ACTL6A: variants seen among roughly 807,000 people sequenced by gnomAD.
The protein encoded by ACTL6A is actin-like protein 6A.
ACTL6A carries 5 observed loss-of-function variants against 59.2 expected under a neutral mutation model. The observed-to-expected ratio is 0.08, with a 90% confidence interval of 0.04 to 0.18. The LOEUF is 0.18. Ranked by LOEUF, ACTL6A falls within the 10% of genes least tolerant of loss-of-function variation. The pLI is 1.00. For synonymous variants in ACTL6A, 154 were observed against 171.8 expected (o/e 0.90, Z 0.81); for missense variants, 285 against 526.9 (o/e 0.54, Z 4.49).
In ACTL6A at chr3:179,576,946, T is replaced by C. The variant is rs370130128; in HGVS notation, c.768+33T>C. Reference sequence around the variant, plus strand: ...ACCCTCATTCTCTTTACAAAAATGTTACAGGCTTTTTGCATGAGTATTAAA... The same window carrying C: ...ACCCTCATTCTCTTTACAAAAATGTCACAGGCTTTTTGCATGAGTATTAAA... On this transcript the variant is annotated intron_variant, in intron 8 of 13. Transcript: ENST00000429709. 1.9e-5 allele frequency: 30 copies of C among 1,569,912 alleles called. 1 individual carries two copies. In the African/African-American group the frequency reaches 4.1e-4, roughly 21 times the overall value.
At chr3:179,580,071 C>T (rs1718287772) in intron 8 of ACTL6A, among the ~76,000 whole-genome samples, 4 of 152,190 alleles carry the variant, frequency 2.6e-5, no homozygotes, top group Admixed American at 1.3e-4. Flanking sequence ...CTGCATCCAG[C>T]TCTGACAGTT....
At chr3:179,576,373 G>C in intron 6 of ACTL6A, 62 bp downstream of exon 6, 6 of 1,247,522 alleles carry the variant, frequency 4.8e-6, no homozygotes, top group Non-Finnish European at 6.7e-6. Context: ...TGCACATAAT[G>C]AAATAAAATG....
chr3:179,577,523 A>G (rs1050499455), intron 8 of ACTL6A, among the ~76,000 whole-genome samples: 12 of 152,102 alleles, frequency 7.9e-5, no homozygotes, highest in African/African-American at 2.7e-4. Flanking sequence ...TCAGGGGTAC[A>G]TGTGCAGGTT....
In ACTL6A at chr3:179,586,537, C is replaced by G; in HGVS notation, c.1123-9C>G. 1 of 1,516,886 alleles carries G rather than the reference C, an allele frequency of 6.6e-7. No homozygotes were observed. 94.0% of individuals were successfully genotyped at this position (1,516,886 alleles called of 1,614,324 possible). A position where few individuals can be genotyped will look rare whatever the true frequency, so the allele number is the denominator to read the frequency against. ...TTTGATTGTACTAATGCATATTCTT[C>G]TATTTCAGAGTATGCGGTTGAAATT... On this transcript the variant is annotated splice_polypyrimidine_tract_variant and intron_variant, in intron 12 of 13. Coordinates refer to ENST00000429709, the MANE Select transcript of ACTL6A (RefSeq NM_004301.5).
At chr3:179,577,663 G>A (rs929590209) in intron 8 of ACTL6A, among the ~76,000 whole-genome samples, 3 of 152,074 alleles carry the variant, frequency 2.0e-5, no homozygotes, top group Non-Finnish European at 4.4e-5. Flanking sequence ...CCAACTGTCT[G>A]TTGTTCCCTT....
intron 1 of ACTL6A, among the ~76,000 whole-genome samples, chr3:179,564,255 C>G (rs1400206485): frequency 1.3e-5 from 2 of 152,180 alleles, no homozygotes; most frequent in African/African-American, 4.8e-5. Flanking sequence ...GCTGTTGTTA[C>G]TGTGTCTAGT....
intron 8 of ACTL6A, among the ~76,000 whole-genome samples, chr3:179,579,640 T>C (rs913171632): frequency 1.3e-5 from 2 of 152,106 alleles, no homozygotes; most frequent in Non-Finnish European, 2.9e-5. Flanking sequence ...ATACAAAAAT[T>C]AGCTGGGTTT....
chr3:179,573,527 T>C lies in ACTL6A; in HGVS notation c.378+58T>C. On this transcript the variant is annotated intron_variant, in intron 4 of 13. Coordinates refer to ENST00000429709, the MANE Select transcript of ACTL6A (RefSeq NM_004301.5). ...TAGTTGTTTTTTTTTTTTCTTTTTT[T>C]TTTCCTTTAGTTTTCTACTCATTTG... is the stretch of plus-strand genomic sequence containing the variant. 7.1e-6 allele frequency: 9 copies of C among 1,268,674 alleles called. No individual in the cohort carries two copies. The South Asian group carries it at 1.3e-4, about 19-fold the overall frequency. 78.6% of individuals were successfully genotyped at this position (1,268,674 alleles called of 1,614,324 possible).
At chr3:179,563,797 G>C (rs1717746753) in intron 1 of ACTL6A, among the ~76,000 whole-genome samples, 1 of 152,202 alleles carries the variant, frequency 6.6e-6, no homozygotes, top group Non-Finnish European at 1.5e-5. Flanking sequence ...TGCCCAGAAA[G>C]TTTGCTGGGG....
intron 1 of ACTL6A, among the ~76,000 whole-genome samples, chr3:179,564,409 C>T (rs1009183144): frequency 3.3e-5 from 5 of 152,098 alleles, no homozygotes; most frequent in African/African-American, 1.2e-4. Flanking sequence ...AAGACAAAAG[C>T]CTTTTTAGTA....
intron 3 of ACTL6A, among the ~76,000 whole-genome samples, chr3:179,571,725 G>A (rs1218669763): frequency 2.6e-5 from 4 of 152,210 alleles, no homozygotes; most frequent in African/African-American, 9.6e-5. Flanking sequence ...CTGAGGCTCA[G>A]TACCCAAGGA....
At chr3:179,578,148 A>AGT (rs1217511119) in intron 8 of ACTL6A, among the ~76,000 whole-genome samples, 1 of 152,144 alleles carries the variant, frequency 6.6e-6, no homozygotes, top group African/African-American at 2.4e-5. Flanking sequence ...CTGTCTCTAC[A>AGT]AAAACAGAAA....
In ACTL6A at chr3:179,563,006, G is replaced by A. The variant is rs547726838; in HGVS notation, c.-87G>A. On this transcript the variant is annotated 5_prime_UTR_variant, in exon 1 of 14. Coordinates refer to ENST00000429709, the MANE Select transcript of ACTL6A (RefSeq NM_004301.5). ...GCGGTGGAAGTTAAGGGAGTCAGGG[G>A]CTATCGCTCCTCGAGACTCGCAGTC... 5 of 1,546,304 alleles carry A rather than the reference G, an allele frequency of 3.2e-6. No individual in the cohort carries two copies. In the African/African-American group the frequency reaches 4.1e-5, roughly 13 times the overall value.
intron 12 of ACTL6A, among the ~76,000 whole-genome samples, chr3:179,585,397 G>C (rs890484787): frequency 2.6e-5 from 4 of 152,038 alleles, no homozygotes; most frequent in South Asian, 2.1e-4. Context: ...CCACTGCACC[G>C]GTCTATAATA....
At position 179,563,223 on chromosome 3, in the gene ACTL6A, T is replaced by G; in HGVS notation, c.25+106T>G. 1.4e-5 allele frequency: 19 copies of G among 1,390,972 alleles called. No individual in the cohort carries two copies. In the South Asian group the frequency reaches 2.5e-4, roughly 18 times the overall value. 86.2% of individuals were successfully genotyped at this position (1,390,972 alleles called of 1,614,324 possible). A position where few individuals can be genotyped will look rare whatever the true frequency, so the allele number is the denominator to read the frequency against. On this transcript the variant is annotated intron_variant, in intron 1 of 13. Transcript: ENST00000429709. Reference sequence around the variant, plus strand: ...CCGGCGTTCCCTTCCGGTCTCCCCCTCTCGGGACCCCGGCCTCCCCGCCCC... The same window carrying G: ...CCGGCGTTCCCTTCCGGTCTCCCCCGCTCGGGACCCCGGCCTCCCCGCCCC...
intron 8 of ACTL6A, among the ~76,000 whole-genome samples, chr3:179,579,646 G>A (rs554658967): frequency 1.3e-5 from 2 of 152,254 alleles, no homozygotes; most frequent in Non-Finnish European, 2.9e-5. Context: ...AAATTAGCTG[G>A]GTTTGGTGCT....
intron 1 of ACTL6A, among the ~76,000 whole-genome samples, chr3:179,564,709 A>AT (rs1275285947): frequency 6.6e-6 from 1 of 152,054 alleles, no homozygotes; most frequent in Non-Finnish European, 1.5e-5. Context: ...GATATGTTGG[A>AT]TTTTTTCTAT....
At chr3:179,575,566 A>T (rs76568638) in intron 5 of ACTL6A, 2 of 391,906 alleles carry the variant, frequency 5.1e-6, no homozygotes, top group Non-Finnish European at 9.9e-6. Flanking sequence ...GTAGACACCT[A>T]ATAGATGCTC....
intron 1 of ACTL6A, among the ~76,000 whole-genome samples, chr3:179,569,517 A>G (rs973428137): frequency 2.6e-5 from 4 of 152,172 alleles, no homozygotes; most frequent in African/African-American, 9.7e-5. Context: ...TTTAAGGTGT[A>G]TTTGAAACTA....
Sources: gnomAD v4.1 joint callset for allele counts (sites outside exome capture counted in the v4.1 genomes callset) on GRCh38, gnomAD v4.1.1 for gene constraint, MANE v1.5 for transcripts, NCBI Gene and HGNC (gene_info 2026-07-23, HGNC 2026-07-21) for gene names.